The following MTERF4 variants were observed in gnomAD, a reference collection of about 807,000 sequenced individuals.
MTERF4 encodes mitochondrial transcription termination factor 4, also known as transcription termination factor 4, mitochondrial.
Under a neutral mutation model 22.5 loss-of-function variants are expected in MTERF4, and 17 were observed. The ratio of observed to expected loss-of-function variants is 0.75; its 90% confidence interval spans 0.52 to 1.13. The LOEUF (loss-of-function observed/expected upper bound fraction) is 1.13. Among genes scored for constraint, MTERF4 ranks in the 50% most tolerant of loss-of-function variants. The pLI is 0.00. For synonymous variants in MTERF4, 165 were observed against 175.3 expected, an observed-to-expected ratio of 0.94 and a Z score of 0.47; for missense variants, 420 against 466.8, an observed-to-expected ratio of 0.90 and a Z score of 0.92.
chr2:241,091,754 A>C (rs966874489), downstream of MTERF4: 5 of 152,356 alleles, frequency 3.3e-5, no homozygotes, highest in African/African-American at 1.2e-4. The surrounding 1 kb of genome is among the most constrained non-coding windows in gnomAD (Gnocchi z 4.1). Flanking sequence ...AGCTGGAGTC[A>C]GTCCCCTCTG....
At chr2:241,062,704 G>C in the MTERF4 span, 1 of 856,306 alleles carries the variant, frequency 1.2e-6, no homozygotes, top group Non-Finnish European at 1.9e-6. Flanking sequence ...ATCGAATTCT[G>C]TCTGGCCCCT....
At chr2:241,078,278 G>C (rs1393376934) in intron 4 of MTERF4, among the ~76,000 whole-genome samples, 1 of 151,398 alleles carries the variant, frequency 6.6e-6, no homozygotes, top group Non-Finnish European at 1.5e-5. Flanking sequence ...AGCTCCTCAG[G>C]AGGCTGAGGC....
chr2:241,096,046 G>GTCGTCGTCCTCATCA lies in MTERF4; in HGVS notation c.1083_1097dup (p.Asp362_Asp366dup). On this transcript the variant is annotated inframe_insertion, in exon 4 of 4. Transcript: ENST00000391980. The surrounding 1 kb of genome is among the most constrained non-coding windows in gnomAD (Gnocchi z 5.1). ...CATCCTCATCATTGTCCTCCGCCTC[G>GTCGTCGTCCTCATCA]TCGTCGTCCTCATCATCGTCATCCT... 1.9e-6 allele frequency: 3 copies of GTCGTCGTCCTCATCA among 1,597,072 alleles called. No homozygotes were observed. Among genetic ancestry groups the GTCGTCGTCCTCATCA allele is most frequent in the Non-Finnish European group, 2.5e-6 (3 of 1,177,510 alleles).
the MTERF4 span, chr2:241,052,344 C>T: frequency 6.4e-7 from 1 of 1,564,466 alleles, no homozygotes; most frequent in African/African-American, 1.3e-5. Context: ...GACCTTCCTG[C>T]ATTCTGGCAG....
the MTERF4 span, among the ~76,000 whole-genome samples, chr2:241,053,848 C>G: frequency 6.6e-6 from 1 of 152,302 alleles, no homozygotes; most frequent in African/African-American, 2.4e-5. Flanking sequence ...GACCGAAGCC[C>G]CTGGAGAAGT....
At chr2:241,049,853 A>G in the MTERF4 span, 3 of 1,613,836 alleles carry the variant, frequency 1.9e-6, no homozygotes, top group South Asian at 1.1e-5. Flanking sequence ...CCCTGCTTCA[A>G]CGGAGGCTCC....
chr2:241,059,466 A>G, the MTERF4 span, among the ~76,000 whole-genome samples: 1 of 152,244 alleles, frequency 6.6e-6, no homozygotes, highest in African/African-American at 2.4e-5. Context: ...TACCAAAACC[A>G]GACACAGACA....
downstream of MTERF4, chr2:241,088,388 T>C: frequency 6.2e-7 from 1 of 1,612,154 alleles, no homozygotes; most frequent in Non-Finnish European, 8.5e-7. Context: ...AGTCAGACAC[T>C]GGAGAAATCT....
At chr2:241,086,636 C>T (rs767391138), downstream of MTERF4, among the ~76,000 whole-genome samples, 3 of 152,188 alleles carry the variant, frequency 2.0e-5, no homozygotes, top group Non-Finnish European at 4.4e-5. Context: ...GAGGTTAATT[C>T]CAGATTCTGT....
chr2:241,065,466 A>C, the MTERF4 span: 3 of 1,612,786 alleles, frequency 1.9e-6, no homozygotes, highest in African/African-American at 4.0e-5. Context: ...TGTGGACAGG[A>C]CCCGCTCCTC....
the MTERF4 span, chr2:241,049,940 C>T: frequency 1.0e-4 from 165 of 1,606,500 alleles, no homozygotes; most frequent in Non-Finnish European, 1.4e-4. Flanking sequence ...AAAGGTATGG[C>T]GGGCAGGGGC....
chr2:241,052,523 T>G, the MTERF4 span: 1 of 1,354,178 alleles, frequency 7.4e-7, no homozygotes, highest in Non-Finnish European at 1.0e-6. Context: ...GCCAGGCAGG[T>G]GAGATGGCCA....
downstream of MTERF4, chr2:241,087,829 C>T (rs915063310): frequency 1.7e-6 from 1 of 595,536 alleles, no homozygotes; most frequent in African/African-American, 1.9e-5. Flanking sequence ...TTTATTCACT[C>T]ACACCCAGGT....
chr2:241,077,735 T>C (rs1306497990), intron 4 of MTERF4, among the ~76,000 whole-genome samples: 4 of 152,124 alleles, frequency 2.6e-5, no homozygotes, highest in Non-Finnish European at 4.4e-5. Flanking sequence ...TGGCCAGTAA[T>C]CACACCGAAA....
downstream of MTERF4, among the ~76,000 whole-genome samples, chr2:241,068,215 G>A (rs183631936): frequency 1.3e-4 from 20 of 152,252 alleles, no homozygotes; most frequent in Non-Finnish European, 2.1e-4. The surrounding 1 kb of genome is among the most constrained non-coding windows in gnomAD (Gnocchi z 5.3). Context: ...CAGAAAATCC[G>A]GGGGCACACT....
chr2:241,052,593 AGCAGGATATATGGGATACCAGTGCCAG>A, the MTERF4 span: 1 of 709,476 alleles, frequency 1.4e-6, no homozygotes, highest in Non-Finnish European at 2.4e-6. Context: ...CAGGGGGCCA[AGCAGGATATATGGGATACCAGTGCCAG>A]GCAGGTGAGA....
chr2:241,069,661 C>T (rs923709860), downstream of MTERF4, among the ~76,000 whole-genome samples: 2 of 152,068 alleles, frequency 1.3e-5, no homozygotes, highest in Non-Finnish European at 2.9e-5. The surrounding 1 kb of genome is among the most constrained non-coding windows in gnomAD (Gnocchi z 4.9). Flanking sequence ...CGCCAGCTGA[C>T]GGGCCAGGGC....
chr2:241,050,199 A>G, the MTERF4 span, among the ~76,000 whole-genome samples: 1 of 152,254 alleles, frequency 6.6e-6, no homozygotes, highest in Non-Finnish European at 1.5e-5. Flanking sequence ...CATTTTTCCA[A>G]ATAGATTTTA....
chr2:241,096,651 T>C lies in MTERF4; in HGVS notation c.706-213A>G. The C allele has an allele frequency of 1.4e-6, 1 of 700,006 alleles. No individual in the cohort carries two copies. The highest frequency in any genetic ancestry group is 2.6e-6 in the Non-Finnish European group (1 of 377,752). 43.4% of individuals were successfully genotyped at this position (700,006 alleles called of 1,614,324 possible). On this transcript the variant is annotated intron_variant, in intron 3 of 3. Coordinates refer to ENST00000391980, the MANE Select transcript of MTERF4 (RefSeq NM_182501.4). The surrounding 1 kb of genome is among the most constrained non-coding windows in gnomAD (Gnocchi z 5.1). Reference sequence around the variant, plus strand: ...ATCCTGAGAAACATGGAGCAGGAAATAAAGGGGTGGGAGGGAAAAGGGGCA... The same window carrying C: ...ATCCTGAGAAACATGGAGCAGGAAACAAAGGGGTGGGAGGGAAAAGGGGCA...
Sources: gnomAD v4.1 joint callset for allele counts (sites outside exome capture counted in the v4.1 genomes callset) on GRCh38, gnomAD v4.1.1 for gene constraint, Gnocchi (gnomAD v3.1) non-coding constraint, MANE v1.5 for transcripts, NCBI Gene and HGNC (gene_info 2026-07-23, HGNC 2026-07-21) for gene names.